The following ACSBG1 variants were observed in gnomAD, a reference collection of about 807,000 sequenced individuals.
ACSBG1 encodes acyl-CoA synthetase bubblegum family member 1.
A neutral mutation model predicts 80.2 loss-of-function variants in ACSBG1; 39 were observed. That is an observed-to-expected ratio of 0.49 (90% CI 0.38 to 0.64). The LOEUF is 0.64. Ranked by LOEUF, ACSBG1 falls within the 30% of genes least tolerant of loss-of-function variation. ACSBG1 has a pLI of 0.00. For synonymous variants in ACSBG1, 392 were observed against 379.5 expected, an observed-to-expected ratio of 1.03 and a Z score of -0.38; for missense variants, 828 against 966.4, an observed-to-expected ratio of 0.86 and a Z score of 1.90.
intron 2 of ACSBG1, among the ~76,000 whole-genome samples, chr15:78,202,797 T>C (rs900912122): frequency 2.0e-5 from 3 of 152,132 alleles, no homozygotes; most frequent in Admixed American, 2.0e-4. Flanking sequence ...GCAATCATAC[T>C]TTCTGGAAGT....
intron 1 of ACSBG1, among the ~76,000 whole-genome samples, chr15:78,228,430 A>G (rs1459288533): frequency 6.6e-6 from 1 of 152,182 alleles, no homozygotes; most frequent in Non-Finnish European, 1.5e-5. Context: ...TTAGTGACCT[A>G]AAAAACCTGC....
intron 5 of ACSBG1, among the ~76,000 whole-genome samples, chr15:78,184,563 A>G (rs980501828): frequency 6.6e-6 from 1 of 152,226 alleles, no homozygotes; most frequent in Non-Finnish European, 1.5e-5. Flanking sequence ...CCTATAAGGA[A>G]CTAAGATTTT....
At chr15:78,174,149 T>C (rs912362868) in intron 12 of ACSBG1, among the ~76,000 whole-genome samples, 1 of 152,154 alleles carries the variant, frequency 6.6e-6, no homozygotes, top group Non-Finnish European at 1.5e-5. Context: ...CAGCAGCACT[T>C]TGTAGACGGG....
At position 78,193,652 on chromosome 15, in the gene ACSBG1, C is replaced by T. The variant is rs753868928; in HGVS notation, c.543-26G>A. The T allele has an allele frequency of 3.7e-6, 6 of 1,605,176 alleles. No individual in the cohort carries two copies. In the African/African-American group the frequency reaches 8.0e-5, roughly 21 times the overall value. On this transcript the variant is annotated intron_variant, in intron 4 of 13. Coordinates refer to ENST00000258873, the MANE Select transcript of ACSBG1 (RefSeq NM_015162.5). ...CTGTAGGAGACCCAGGAAGATTCAC[C>T]TTAGGGGAGGTGCAGAGGGGCCACC...
intron 1 of ACSBG1, among the ~76,000 whole-genome samples, chr15:78,208,566 G>A (rs1222378048): frequency 6.6e-6 from 1 of 152,190 alleles, no homozygotes; most frequent in African/African-American, 2.4e-5. Flanking sequence ...CCCAGAAACT[G>A]AGTGGAGCTG....
chr15:78,232,102 C>A (rs2075451409), intron 1 of ACSBG1, among the ~76,000 whole-genome samples: 1 of 152,178 alleles, frequency 6.6e-6, no homozygotes, highest in Admixed American at 6.5e-5. Context: ...AAGAGTGTTG[C>A]TATGAGAGTT....
At position 78,227,810 on chromosome 15, in the gene ACSBG1, C is replaced by T. The variant is rs914608149; in HGVS notation, c.131+6561G>A. On this transcript the variant is annotated intron_variant, in intron 1 of 13. Transcript: ENST00000258873. ...ATGGAATTCTACTGAAACGTACAGA[C>T]GAATGAACTACTGAGACACTTGGCA... Among the ~76,000 whole-genome samples, 5 of 152,158 alleles carry T rather than the reference C, an allele frequency of 3.3e-5. No individual in the cohort carries two copies. In the South Asian group the frequency reaches 8.3e-4, roughly 25 times the overall value.
chr15:78,215,036 C>G (rs2075295957), intron 1 of ACSBG1, among the ~76,000 whole-genome samples: 1 of 152,096 alleles, frequency 6.6e-6, no homozygotes, highest in Non-Finnish European at 1.5e-5. Flanking sequence ...GGGAGCCCCC[C>G]CATAGACCCC....
In ACSBG1 at chr15:78,169,345, T is replaced by A. The variant is rs1347684152; in HGVS notation, c.*2099A>T. On this transcript the variant is annotated 3_prime_UTR_variant, in exon 14 of 14. Coordinates refer to ENST00000258873, the MANE Select transcript of ACSBG1 (RefSeq NM_015162.5). ...CAGCTGTAAATAACAGGATACAGAATTAACAAGAGAAAATGTCTAACTTTT... is the reference window on the plus strand; with the variant it reads ...CAGCTGTAAATAACAGGATACAGAAATAACAAGAGAAAATGTCTAACTTTT... 1 of 171,428 alleles carries A rather than the reference T, an allele frequency of 5.8e-6. No individual in the cohort carries two copies. The highest frequency in any genetic ancestry group is 1.2e-5 in the Non-Finnish European group (1 of 81,060). The allele number at this position is 171,428 out of a possible 1,614,324, so 10.6% of individuals were successfully genotyped here. A position where few individuals can be genotyped will look rare whatever the true frequency, so the allele number is the denominator to read the frequency against.
intron 1 of ACSBG1, among the ~76,000 whole-genome samples, chr15:78,219,882 G>C (rs1264460605): frequency 1.3e-5 from 2 of 152,172 alleles, no homozygotes; most frequent in Non-Finnish European, 2.9e-5. Flanking sequence ...TACTCAGAAG[G>C]CTGAGGCAGG....
rs1305913165 is a variant in ACSBG1 at position 78,188,977 on chromosome 15, A to G, written c.663+4529T>C. On this transcript the variant is annotated intron_variant, in intron 5 of 13. Transcript: ENST00000258873. ...ATGAACTCAAACAAATTTACAAGAA[A>G]AAAACAAACAACCCCATCAAAAAGT... Among the ~76,000 whole-genome samples the G allele has an allele frequency of 1.1e-4, 17 of 148,306 alleles. No homozygotes were observed. The East Asian group carries it at 3.0e-3, about 26-fold the overall frequency.
Position 78,182,074 on chromosome 15 carries a change from T to C in ACSBG1, c.966A>G (p.Val322=). Residue 322 remains valine, a synonymous_variant, in exon 8 of 14, where the codon GTA becomes GTG. Coordinates refer to ENST00000258873, the MANE Select transcript of ACSBG1 (RefSeq NM_015162.5). The part of the protein sequence containing the change: ...IRPAEVQQEV[V]VSYLPLSHIA... Reference sequence around the variant, plus strand: ...TATGGCTGAGGGGCAGGTAGCTGACTACCACCTCCTGCTGGACTTCTGCCG... The same window carrying C: ...TATGGCTGAGGGGCAGGTAGCTGACCACCACCTCCTGCTGGACTTCTGCCG... 6.2e-7 allele frequency: 1 copy of C among 1,613,788 alleles called. No individual in the cohort carries two copies. The highest frequency in any genetic ancestry group is 2.2e-5 in the East Asian group (1 of 44,884).
chr15:78,207,917 T>TCCCCCCCCCC, intron 2 of ACSBG1, 85 bp downstream of exon 2: 1 of 876,060 alleles, frequency 1.1e-6, no homozygotes. Flanking sequence ...TGTGTGGTGG[T>TCCCCCCCCCC]CCCCCACACC....
In ACSBG1 at chr15:78,171,340, ACTTGG is replaced by A; in HGVS notation, c.*99_*103del. On this transcript the variant is annotated 3_prime_UTR_variant, in exon 14 of 14. Coordinates refer to ENST00000258873, the MANE Select transcript of ACSBG1 (RefSeq NM_015162.5). Reference sequence around the variant, plus strand: ...GTGCCCTGACCTGGAGATCTAACAGACTTGGCAGAAATGCCTGTGCCCAGACTGAA... The same window carrying A: ...GTGCCCTGACCTGGAGATCTAACAGACAGAAATGCCTGTGCCCAGACTGAA... 1 of 889,838 alleles carries A rather than the reference ACTTGG, an allele frequency of 1.1e-6. No individual in the cohort carries two copies. Among genetic ancestry groups the A allele is most frequent in the South Asian group, 1.6e-5 (1 of 62,864 alleles). The allele number at this position is 889,838 out of a possible 1,614,324, so 55.1% of individuals were successfully genotyped here. A position where few individuals can be genotyped will look rare whatever the true frequency, so the allele number is the denominator to read the frequency against.
chr15:78,183,167 C>G (rs2074966342), intron 5 of ACSBG1, among the ~76,000 whole-genome samples: 1 of 152,076 alleles, frequency 6.6e-6, no homozygotes, highest in South Asian at 2.1e-4. Context: ...TGAGTGGTTT[C>G]TAGGATATAT....
At chr15:78,216,667 C>T (rs1449823877) in intron 1 of ACSBG1, among the ~76,000 whole-genome samples, 1 of 152,176 alleles carries the variant, frequency 6.6e-6, no homozygotes, top group Non-Finnish European at 1.5e-5. Flanking sequence ...CTGAAGCCCC[C>T]AGCCCAAGAC....
At chr15:78,181,556 T>G (rs1465495106) in intron 8 of ACSBG1, among the ~76,000 whole-genome samples, 1 of 142,946 alleles carries the variant, frequency 7.0e-6, no homozygotes, top group East Asian at 2.1e-4. Flanking sequence ...TACAGTGGCG[T>G]GATCTCGGCT....
intron 1 of ACSBG1, among the ~76,000 whole-genome samples, chr15:78,209,509 G>A (rs187132300): frequency 2.0e-4 from 31 of 152,336 alleles, no homozygotes; most frequent in Non-Finnish European, 4.1e-4. Context: ...GAATGCTGCA[G>A]AACTCGTCCT....
intron 2 of ACSBG1, 151 bp downstream of exon 2, chr15:78,207,850 TG>T (rs2075229573): frequency 7.8e-6 from 5 of 644,798 alleles, no homozygotes; most frequent in Non-Finnish European, 1.4e-5. Flanking sequence ...AGGGGCTTGG[TG>T]GGGTCCCTGG....
Sources: allele counts gnomAD v4.1 joint callset (sites outside exome capture counted in the v4.1 genomes callset), GRCh38; gene constraint gnomAD v4.1.1; transcripts MANE v1.5; gene names NCBI Gene and HGNC (gene_info 2026-07-23, HGNC 2026-07-21).